The following POLR3A variants were observed in gnomAD, a reference collection of about 807,000 sequenced individuals.
POLR3A encodes DNA-directed RNA polymerase III subunit RPC1.
A neutral mutation model predicts 152.8 loss-of-function variants in POLR3A; 112 were observed. That is an observed-to-expected ratio of 0.73 (90% confidence interval 0.63 to 0.86). POLR3A has a LOEUF of 0.86. Ranked by LOEUF, POLR3A falls within the 40% of genes least tolerant of loss-of-function variation. The probability of loss-of-function intolerance (pLI) is 0.00; values close to 1 mark genes in which losing one functional copy is unlikely to be tolerated. For missense variants in POLR3A, 1,385 were observed against 1,743.1 expected (o/e 0.79, Z 3.66); for synonymous variants, 615 against 652.1 (o/e 0.94, Z 0.87).
intron 19 of POLR3A, among the ~76,000 whole-genome samples, chr10:77,994,870 A>G (rs1396913892): frequency 6.6e-6 from 1 of 152,164 alleles, no homozygotes; most frequent in Non-Finnish European, 1.5e-5. Context: ...CAGATTCACC[A>G]AAGTTGAAAT....
intron 11 of POLR3A, chr10:78,013,250 A>C (rs1177901346): frequency 3.5e-6 from 1 of 287,786 alleles, no homozygotes; most frequent in Non-Finnish European, 6.7e-6. Context: ...GCTGGTGCTT[A>C]AAGAATCTTC....
intron 16 of POLR3A, among the ~76,000 whole-genome samples, chr10:78,004,119 A>G (rs1339951859): frequency 6.6e-6 from 1 of 152,046 alleles, no homozygotes; most frequent in Non-Finnish European, 1.5e-5. Flanking sequence ...CTGTAATCCC[A>G]GCTACTTGGG....
intron 19 of POLR3A, among the ~76,000 whole-genome samples, chr10:77,996,663 ATAAT>A (rs1015466011): frequency 1.3e-5 from 2 of 151,816 alleles, no homozygotes; most frequent in African/African-American, 2.4e-5. Context: ...AATTGAGGCA[ATAAT>A]TAATAGCTTA....
Position 77,977,415 on chromosome 10 carries a change from T to G in POLR3A, c.*63A>C. ...CCCGTCCCAGGGAGCACAAAACTCT[T>G]TATACATCAGCTGGAGACAGGACAA... On this transcript the variant is annotated 3_prime_UTR_variant, in exon 31 of 31. Transcript: ENST00000372371. The G allele has an allele frequency of 6.3e-7, 1 of 1,576,694 alleles. No homozygotes were observed. The highest frequency in any genetic ancestry group is 8.7e-7 in the Non-Finnish European group (1 of 1,147,108).
intron 19 of POLR3A, among the ~76,000 whole-genome samples, chr10:77,996,218 T>C (rs1234225806): frequency 1.3e-5 from 2 of 151,996 alleles, no homozygotes; most frequent in African/African-American, 2.4e-5. Flanking sequence ...AGGAAAGATC[T>C]AAAATTGACA....
At chr10:77,979,676 G>A (rs1847121653) in intron 30 of POLR3A, among the ~76,000 whole-genome samples, 1 of 152,182 alleles carries the variant, frequency 6.6e-6, no homozygotes, top group African/African-American at 2.4e-5. Flanking sequence ...CCCCACGGGT[G>A]GGTAGAGATA....
At chr10:78,007,592 A>G in intron 15 of POLR3A, 110 bp downstream of exon 15, 8 of 862,328 alleles carry the variant, frequency 9.3e-6, no homozygotes, top group Non-Finnish European at 1.6e-5. Context: ...CTTTTTCTGT[A>G]TGTATATGTG....
chr10:78,002,088 C>T (rs1455594033), intron 17 of POLR3A, 109 bp downstream of exon 17: 3 of 659,470 alleles, frequency 4.5e-6, no homozygotes, highest in East Asian at 2.8e-5. Context: ...TAAAAAGATC[C>T]CTTAAATAAA....
intron 7 of POLR3A, 87 bp downstream of exon 7, chr10:78,021,773 C>T: frequency 1.2e-6 from 2 of 1,608,894 alleles, no homozygotes; most frequent in Non-Finnish European, 1.7e-6. Context: ...AAGCCTGTGA[C>T]CTCCAATCAG....
At chr10:78,000,347 CA>C (rs1347767838) in intron 18 of POLR3A, among the ~76,000 whole-genome samples, 3 of 152,286 alleles carry the variant, frequency 2.0e-5, no homozygotes, top group South Asian at 4.2e-4. Flanking sequence ...CAGTGGCAGG[CA>C]AGTGGCCCAA....
chr10:78,019,353 C>T (rs574977599), intron 8 of POLR3A, 88 bp from the exon 9 acceptor site: 4 of 957,162 alleles, frequency 4.2e-6, no homozygotes, highest in East Asian at 2.4e-5. Flanking sequence ...CTTTACTTTC[C>T]TTGTTCAGAT....
chr10:78,012,276 A>G (rs561120755), intron 11 of POLR3A, among the ~76,000 whole-genome samples: 1 of 152,096 alleles, frequency 6.6e-6, no homozygotes, highest in African/African-American at 2.4e-5. Context: ...AGGCAGGAGA[A>G]TCACTTGAAC....
rs200452026 is a variant in POLR3A at position 77,991,156 on chromosome 10, C to T, written c.2799G>A (p.Pro933=). The change falls in exon 21 of 31, where the codon CCG becomes CCA. Residue 933 remains proline (P), a synonymous_variant. Coordinates refer to ENST00000372371, the MANE Select transcript of POLR3A (RefSeq NM_007055.4). The part of the protein sequence containing the change: ...RVLDNIKAVF[P]CPSEPALSKN... ...TGCTGAGAGCAGGCTCACTGGGACA[C>T]GGGAAGACTGCCTTGAGTATTAAAA... 74 of 1,606,178 alleles carry T rather than the reference C, an allele frequency of 4.6e-5. 1 individual carries two copies. Among genetic ancestry groups the T allele is most frequent in the South Asian group, 3.8e-4 (35 of 90,920 alleles).
In POLR3A at chr10:77,991,186, A is replaced by G; in HGVS notation, c.2788-19T>C. ...AGACTGCCTTGAGTATTAAAAGAAA[A>G]TTGCATTATGTGTGGGTGCCACAGA... On this transcript the variant is annotated intron_variant, in intron 20 of 30. Coordinates refer to ENST00000372371, the MANE Select transcript of POLR3A (RefSeq NM_007055.4). 1 of 1,448,946 alleles carries G rather than the reference A, an allele frequency of 6.9e-7. No homozygotes were observed. The highest frequency in any genetic ancestry group is 9.7e-7 in the Non-Finnish European group (1 of 1,029,408). 89.8% of individuals were successfully genotyped at this position (1,448,946 alleles called of 1,614,324 possible).
rs1444963952 is a variant in POLR3A, at chr10:78,018,362, G to A, written c.1290-646C>T. 7.9e-5 allele frequency among the ~76,000 whole-genome samples: 12 copies of A among 151,730 alleles called. No homozygotes were observed. The East Asian group carries it at 2.1e-3, about 27-fold the overall frequency. On this transcript the variant is annotated intron_variant, in intron 9 of 30. Transcript: ENST00000372371. ...AAAAATACAAAAATTAGTCAGGTGT[G>A]GTGGCGGGTGCCTGTAATCCCAGCT... is the stretch of plus-strand genomic sequence containing the variant.
chr10:77,995,769 A>G (rs1350032963), intron 19 of POLR3A, among the ~76,000 whole-genome samples: 1 of 152,208 alleles, frequency 6.6e-6, no homozygotes, highest in Non-Finnish European at 1.5e-5. Flanking sequence ...GAAAGTTAAC[A>G]AGGATATCCA....
intron 15 of POLR3A, 106 bp downstream of exon 15, chr10:78,007,596 A>G (rs1480713332): frequency 2.2e-6 from 2 of 891,712 alleles, no homozygotes; most frequent in South Asian, 1.3e-5. Context: ...TTCTGTATGT[A>G]TATGTGTGGT....
intron 29 of POLR3A, among the ~76,000 whole-genome samples, 175 bp downstream of exon 29, chr10:77,981,253 G>A (rs769489359): frequency 8.5e-5 from 13 of 152,182 alleles, no homozygotes; most frequent in Non-Finnish European, 1.9e-4. Flanking sequence ...ATTTCACCAG[G>A]ACACTCAGCC....
At chr10:77,990,312 A>G (rs1847235987) in intron 21 of POLR3A, among the ~76,000 whole-genome samples, 1 of 152,222 alleles carries the variant, frequency 6.6e-6, no homozygotes, top group Non-Finnish European at 1.5e-5. Flanking sequence ...TTGATCCACA[A>G]TACAGCAAAA....
Sources: allele counts gnomAD v4.1 joint callset (sites outside exome capture counted in the v4.1 genomes callset), GRCh38; gene constraint gnomAD v4.1.1; transcripts MANE v1.5; gene names NCBI Gene and HGNC (gene_info 2026-07-23, HGNC 2026-07-21).